The following NRG3 variants were observed in gnomAD, a reference collection of about 807,000 sequenced individuals.
NRG3 encodes the protein neuregulin 3, also known as pro-neuregulin-3, membrane-bound isoform.
A neutral mutation model predicts 66.9 loss-of-function variants in NRG3; 31 were observed. The observed-to-expected ratio is 0.46, with a 90% CI of 0.35 to 0.63. NRG3 has a LOEUF of 0.63. Ranked by LOEUF, NRG3 falls within the 20% of genes least tolerant of loss-of-function variation. NRG3 has a pLI of 0.00. For synonymous variants in NRG3, 393 were observed against 359.4 expected, an observed-to-expected ratio of 1.09 and a Z score of -1.06; for missense variants, 910 against 878.9, an observed-to-expected ratio of 1.04 and a Z score of -0.45.
chr10:82,796,538 C>G (rs558676609), intron 3 of NRG3, among the ~76,000 whole-genome samples: 1 of 152,020 alleles, frequency 6.6e-6, no homozygotes, highest in South Asian at 2.1e-4. Flanking sequence ...CAAAATTTAT[C>G]AAATAGCTAC....
At chr10:82,978,893 T>A in intron 7 of NRG3, 57 bp from the exon 8 acceptor site, 1 of 1,559,848 alleles carries the variant, frequency 6.4e-7, no homozygotes, top group African/African-American at 1.3e-5. Flanking sequence ...ACCTGTGAGG[T>A]TATTGCTATG....
At chr10:82,206,125 C>G (rs1379129475) in intron 1 of NRG3, among the ~76,000 whole-genome samples, 1 of 152,156 alleles carries the variant, frequency 6.6e-6, no homozygotes, top group Non-Finnish European at 1.5e-5. Context: ...TTGCTATTCA[C>G]TCTTCTCACC....
intron 1 of NRG3, among the ~76,000 whole-genome samples, chr10:82,144,048 A>AG (rs2070039733): frequency 6.6e-6 from 1 of 150,600 alleles, no homozygotes; most frequent in African/African-American, 2.5e-5. Flanking sequence ...AAAAAAGAAA[A>AG]GAAAAAAAAA....
At chr10:82,761,349 C>G (rs184978785) in intron 3 of NRG3, among the ~76,000 whole-genome samples, 3 of 151,918 alleles carry the variant, frequency 2.0e-5, no homozygotes, top group African/African-American at 7.2e-5. Flanking sequence ...TTTTTAGAGA[C>G]CATTTGTAGC....
At chr10:82,744,917 T>C (rs1360682178) in intron 3 of NRG3, among the ~76,000 whole-genome samples, 2 of 152,154 alleles carry the variant, frequency 1.3e-5, no homozygotes, top group African/African-American at 4.8e-5. Flanking sequence ...TTATTTTTGT[T>C]GTTTCAACTG....
chr10:82,279,618 A>C (rs950178186), intron 1 of NRG3, among the ~76,000 whole-genome samples: 6 of 152,224 alleles, frequency 3.9e-5, no homozygotes, highest in Non-Finnish European at 5.9e-5. Context: ...GGATGTGTAA[A>C]TGATTTTCCT....
chr10:82,467,068 G>A lies in NRG3; in HGVS notation c.953+108200G>A, dbSNP rs555824966. Among the ~76,000 whole-genome samples, 11 of 150,478 alleles carry A rather than the reference G, an allele frequency of 7.3e-5. 1 individual carries two copies. The East Asian group carries it at 1.5e-3, about 21-fold the overall frequency. ...TATCAACTTATTTAAATAGGGGACC[G>A]TTATTGAATTTTTACCTGTTCCCCA... is the stretch of plus-strand genomic sequence containing the variant. On this transcript the variant is annotated intron_variant, in intron 2 of 8. Transcript: ENST00000372141.
chr10:82,584,427 G>T (rs901466893), intron 2 of NRG3, among the ~76,000 whole-genome samples: 1 of 152,068 alleles, frequency 6.6e-6, no homozygotes, highest in Non-Finnish European at 1.5e-5. Flanking sequence ...ATTAAATTTG[G>T]GTGGCTTCCT....
chr10:82,323,489 C>CTT (rs112236835), intron 1 of NRG3, among the ~76,000 whole-genome samples: 43 of 136,788 alleles, frequency 3.1e-4, no homozygotes, highest in African/African-American at 1.0e-3. Context: ...ACATATTATC[C>CTT]TTTTTTTTTT....
chr10:82,664,173 C>G (rs1016754166), intron 2 of NRG3, among the ~76,000 whole-genome samples: 4 of 152,148 alleles, frequency 2.6e-5, no homozygotes, highest in African/African-American at 9.7e-5. Flanking sequence ...ACTGTGGTGA[C>G]AATTGTACTG....
chr10:81,884,186 T>G lies in NRG3; in HGVS notation c.823+8023T>G, dbSNP rs559211874. 6.6e-5 allele frequency among the ~76,000 whole-genome samples: 10 copies of G among 152,336 alleles called. No homozygotes were observed. The South Asian group carries it at 1.0e-3, about 16-fold the overall frequency. On this transcript the variant is annotated intron_variant, in intron 1 of 8. Coordinates refer to ENST00000372141, the MANE Select transcript of NRG3 (RefSeq NM_001010848.4). The stretch of plus-strand genomic sequence containing the variant: ...CCCCACCTCAGTCTTACTTACCTAA[T>G]TCACTGTTATAGTGTCACTATATCC...
At chr10:82,349,824 T>C (rs1409864465) in intron 1 of NRG3, among the ~76,000 whole-genome samples, 2 of 152,130 alleles carry the variant, frequency 1.3e-5, no homozygotes, top group African/African-American at 4.8e-5. Context: ...AGTGACCCGA[T>C]TTTCCAGGTG....
At chr10:82,818,786 C>T (rs926249093) in intron 3 of NRG3, among the ~76,000 whole-genome samples, 2 of 152,158 alleles carry the variant, frequency 1.3e-5, no homozygotes, top group African/African-American at 4.8e-5. Context: ...CAACGCATCA[C>T]ACCTCTTCCT....
intron 3 of NRG3, among the ~76,000 whole-genome samples, chr10:82,805,359 T>G (rs1169330845): frequency 6.6e-6 from 1 of 152,216 alleles, no homozygotes. Flanking sequence ...CATTTAAACG[T>G]GAATGCACTT....
At chr10:82,095,700 C>G (rs1402550440) in intron 1 of NRG3, among the ~76,000 whole-genome samples, 3 of 152,200 alleles carry the variant, frequency 2.0e-5, no homozygotes, top group Non-Finnish European at 4.4e-5. Flanking sequence ...TCTGTCAATG[C>G]ATCAGGTTCT....
At chr10:82,396,259 C>G (rs922582819) in intron 2 of NRG3, among the ~76,000 whole-genome samples, 1 of 152,134 alleles carries the variant, frequency 6.6e-6, no homozygotes, top group African/African-American at 2.4e-5. Flanking sequence ...TTGTCACTAC[C>G]ACTTTCCATA....
At chr10:82,123,844 G>C (rs1269916160) in intron 1 of NRG3, among the ~76,000 whole-genome samples, 1 of 149,816 alleles carries the variant, frequency 6.7e-6, no homozygotes, top group Non-Finnish European at 1.5e-5. Context: ...GGATCTGTAT[G>C]ACCTGGAAGG....
intron 1 of NRG3, among the ~76,000 whole-genome samples, chr10:82,033,221 G>A (rs202046383): frequency 6.6e-6 from 1 of 152,128 alleles, no homozygotes; most frequent in Non-Finnish European, 1.5e-5. Context: ...AATGGCTATT[G>A]ACAACTTACA....
intron 2 of NRG3, among the ~76,000 whole-genome samples, chr10:82,661,156 A>G (rs2052328011): frequency 6.6e-6 from 1 of 152,100 alleles, no homozygotes; most frequent in Non-Finnish European, 1.5e-5. Context: ...TCGTCTGACA[A>G]TTACTCACTG....
Sources: gnomAD v4.1 joint callset for allele counts (sites outside exome capture counted in the v4.1 genomes callset) on GRCh38, gnomAD v4.1.1 for gene constraint, MANE v1.5 for transcripts, NCBI Gene and HGNC (gene_info 2026-07-23, HGNC 2026-07-21) for gene names.